Variants in SARDH observed in about 807,000 individuals in gnomAD.
The protein encoded by SARDH is sarcosine dehydrogenase, mitochondrial.
In SARDH, 95 loss-of-function variants were observed where a neutral mutation model predicts 109.1. That is an observed-to-expected ratio of 0.87 (90% CI 0.74 to 1.03). The LOEUF (loss-of-function observed/expected upper bound fraction) is 1.03. Ranked by LOEUF, SARDH falls within the 50% of genes least tolerant of loss-of-function variation. The pLI, the probability that SARDH is intolerant of heterozygous loss-of-function variation, is 0.00. For missense variants in SARDH, 1,267 were observed against 1,287.8 expected (o/e 0.98, Z 0.25); for synonymous variants, 572 against 534.8 (o/e 1.07, Z -0.96).
upstream of SARDH, among the ~76,000 whole-genome samples, chr9:133,738,902 A>T (rs962356306): frequency 1.3e-5 from 2 of 151,858 alleles, no homozygotes; most frequent in African/African-American, 2.4e-5. Context: ...GAGCTCCCAG[A>T]CCCCTCTGGT....
intron 3 of SARDH, among the ~76,000 whole-genome samples, chr9:133,732,201 C>A (rs1832708479): frequency 6.6e-6 from 1 of 152,086 alleles, no homozygotes; most frequent in Non-Finnish European, 1.5e-5. Context: ...CCGACATGAG[C>A]CCCACTCCCG....
At chr9:133,696,776 T>C (rs1831303739) in intron 13 of SARDH, among the ~76,000 whole-genome samples, 1 of 152,072 alleles carries the variant, frequency 6.6e-6, no homozygotes, top group African/African-American at 2.4e-5. Context: ...AGCTACTGAA[T>C]TAAATGAAAA....
intron 19 of SARDH, among the ~76,000 whole-genome samples, chr9:133,667,435 G>A (rs1308409441): frequency 6.6e-6 from 1 of 151,776 alleles, no homozygotes; most frequent in Non-Finnish European, 1.5e-5. Flanking sequence ...CAAAGTGCTG[G>A]GATTACAGAC....
chr9:133,725,517 C>CAA, intron 6 of SARDH: 1 of 426,766 alleles, frequency 2.3e-6, no homozygotes, highest in South Asian at 1.7e-5. Context: ...TACTAAAATA[C>CAA]AAAAAAAAAT....
At chr9:133,672,579 C>T (rs2131337244) in intron 17 of SARDH, among the ~76,000 whole-genome samples, 1 of 152,304 alleles carries the variant, frequency 6.6e-6, no homozygotes, top group South Asian at 2.1e-4. Context: ...GGGATAGAGG[C>T]ATCAGGGAAG....
chr9:133,660,801 A>C (rs1832403136), downstream of SARDH, among the ~76,000 whole-genome samples: 1 of 152,256 alleles, frequency 6.6e-6, no homozygotes. Flanking sequence ...CCCAGGCTCC[A>C]GCCAGCATAG....
At chr9:133,672,274 C>G (rs1340882300) in intron 17 of SARDH, among the ~76,000 whole-genome samples, 1 of 152,234 alleles carries the variant, frequency 6.6e-6, no homozygotes, top group East Asian at 1.9e-4. Context: ...AGGACCTTCC[C>G]TAGCCCTAGA....
At chr9:133,681,543 C>T (rs1588394657) in intron 17 of SARDH, among the ~76,000 whole-genome samples, 5 of 152,290 alleles carry the variant, frequency 3.3e-5, no homozygotes, top group South Asian at 4.1e-4. Context: ...CTGAGCCCAT[C>T]GAGGGAAGGA....
rs144502698 is a variant in SARDH at position 133,708,397 on chromosome 9, G to T, written c.1360C>A (p.Arg454Ser). The T allele has an allele frequency of 1.2e-6, 2 of 1,612,096 alleles. No individual in the cohort carries two copies. Among genetic ancestry groups the T allele is most frequent in the Non-Finnish European group, 1.7e-6 (2 of 1,179,464 alleles). Residue 454 changes from arginine (R) to serine (S), a missense_variant, in exon 11 of 21, where the codon CGC (arginine) becomes AGC (serine). Arg to Ser is a moderately radical substitution (Grantham distance 110). Coordinates refer to ENST00000439388, the MANE Select transcript of SARDH (RefSeq NM_001134707.2). ...TCATGGCTTCGCTCTCGGATCCAGC[G>T]GGGGTGGTCCGTGAGCGAGTGATGG... The part of the protein sequence containing the change: ...RFHHSLTDHP[R>S]WIRERSHESY...
chr9:133,704,120 G>C lies in SARDH; in HGVS notation c.1554+828C>G, dbSNP rs1321100228. ...ACGGCATGTCCCTAGGGGCCAGCAGGAGAAGAGACGATGACCTGCAAGGCT... is the reference window on the plus strand; with the variant it reads ...ACGGCATGTCCCTAGGGGCCAGCAGCAGAAGAGACGATGACCTGCAAGGCT... On this transcript the variant is annotated intron_variant, in intron 12 of 20. Coordinates refer to ENST00000439388, the MANE Select transcript of SARDH (RefSeq NM_001134707.2). This position sits in a 1 kb window ranked among gnomAD's most constrained non-coding sequence, Gnocchi z 4.5. Among the ~76,000 whole-genome samples the C allele has an allele frequency of 6.6e-6, 1 of 152,050 alleles. No homozygotes were observed. The highest frequency in any genetic ancestry group is 2.4e-5 in the African/African-American group (1 of 41,386).
rs1040158697 is a variant in SARDH at position 133,671,260 on chromosome 9, A to G, written c.2326+275T>C. Among the ~76,000 whole-genome samples the G allele has an allele frequency of 3.9e-5, 6 of 152,136 alleles. No individual in the cohort carries two copies. The East Asian group carries it at 1.2e-3, about 29-fold the overall frequency. ...TGGGCCTGACCCCCAGGTGTCAGGC[A>G]GCACCTCAGCTCTCTGAGTTCAGGT... is the stretch of plus-strand genomic sequence containing the variant. On this transcript the variant is annotated intron_variant, in intron 18 of 20. Transcript: ENST00000439388.
chr9:133,724,828 G>A (rs1832435106), intron 6 of SARDH, among the ~76,000 whole-genome samples: 1 of 152,104 alleles, frequency 6.6e-6, no homozygotes, highest in Non-Finnish European at 1.5e-5. Flanking sequence ...TGAGCATCAT[G>A]TTAGTGCTCA....
chr9:133,661,925 C>A (rs899873077), downstream of SARDH, among the ~76,000 whole-genome samples: 7 of 152,184 alleles, frequency 4.6e-5, no homozygotes, highest in Non-Finnish European at 7.4e-5. Flanking sequence ...TCTGGAAGAC[C>A]TGGCTCGGGG....
Position 133,692,231 on chromosome 9 carries a change from C to T in SARDH, c.1922-1704G>A, listed in dbSNP as rs1831125779. The stretch of plus-strand genomic sequence containing the variant: ...GAAACTGAGGCTCGGGGGGGCAGGT[C>T]GCTGAGCCAGGTAGTGGCAGGACCT... On this transcript the variant is annotated intron_variant, in intron 15 of 20. Transcript: ENST00000439388. The surrounding 1 kb of genome is among the most constrained non-coding windows in gnomAD (Gnocchi z 5.0). 1.3e-5 allele frequency among the ~76,000 whole-genome samples: 2 copies of T among 152,120 alleles called. No homozygotes were observed. The highest frequency in any genetic ancestry group is 1.3e-4 in the Admixed American group (2 of 15,280).
rs895707347 is a variant in SARDH at position 133,702,945 on chromosome 9, T to A, written c.1639A>T (p.Thr547Ser). 1 of 1,611,890 alleles carries A rather than the reference T, an allele frequency of 6.2e-7. No individual in the cohort carries two copies. ...AYRRLLADEY[T>S]FAFPPHHDTI... ...TCGTGGTGGGGCGGGAAGGCGAAGG[T>A]GTACTCGTCTGCCAGCAGCCTGCGG... The change falls in exon 13 of 21, where the codon ACC becomes TCC. Residue 547 changes from threonine to serine, a missense_variant. Thr to Ser is a moderately conservative substitution (Grantham distance 58). Transcript: ENST00000439388.
intron 6 of SARDH, among the ~76,000 whole-genome samples, chr9:133,722,650 T>G (rs1238672507): frequency 2.2e-5 from 1 of 45,760 alleles, no homozygotes; most frequent in African/African-American, 5.9e-5. Context: ...GCGCTCTCTC[T>G]CTCTCTCTCT....
chr9:133,703,542 G>A (rs1179479005), intron 12 of SARDH: 1 of 158,250 alleles, frequency 6.3e-6, no homozygotes, highest in African/African-American at 2.4e-5. Context: ...GCAGGTGCGT[G>A]GGCTCCAGAG....
intron 19 of SARDH, among the ~76,000 whole-genome samples, chr9:133,667,798 G>A (rs1399402562): frequency 2.0e-5 from 3 of 152,170 alleles, no homozygotes; most frequent in African/African-American, 7.2e-5. Context: ...ATTAGGACGA[G>A]GCTGGAAGGA....
At chr9:133,681,872 G>A (rs922917437) in intron 17 of SARDH, among the ~76,000 whole-genome samples, 8 of 152,158 alleles carry the variant, frequency 5.3e-5, no homozygotes, top group Admixed American at 2.6e-4. Flanking sequence ...GATCGCGCAC[G>A]CCAGTTGACG....
Sources: allele counts gnomAD v4.1 joint callset (sites outside exome capture counted in the v4.1 genomes callset), GRCh38; gene constraint gnomAD v4.1.1; non-coding constraint Gnocchi (gnomAD v3.1); transcripts MANE v1.5; gene names NCBI Gene and HGNC (gene_info 2026-07-23, HGNC 2026-07-21).